The following ZFR variants were observed in gnomAD, a reference collection of about 807,000 sequenced individuals.
ZFR encodes the protein zinc finger RNA-binding protein.
Under a neutral mutation model 130.7 loss-of-function variants are expected in ZFR, and 19 were observed. The ratio of observed to expected loss-of-function variants is 0.15; its 90% CI spans 0.10 to 0.21. The LOEUF (loss-of-function observed/expected upper bound fraction) is 0.21, where lower values mean the gene tolerates loss of function less well. Ranked by LOEUF, ZFR falls within the 10% of genes least tolerant of loss-of-function variation. ZFR has a pLI of 1.00. For missense variants in ZFR, 872 were observed against 1,321.5 expected (o/e 0.66, Z 5.27); for synonymous variants, 466 against 456.9 (o/e 1.02, Z -0.25).
Position 32,420,106 on chromosome 5 carries a change from A to G in ZFR, c.138-3T>C. 6.4e-7 allele frequency: 1 copy of G among 1,561,350 alleles called. No individual in the cohort carries two copies. Among genetic ancestry groups the G allele is most frequent in the Non-Finnish European group, 8.7e-7 (1 of 1,149,440 alleles). ...CTACACCCGAAGCTGGCTGCTGGCT[A>G]CATTGTGGAGTACAAGAATAAATAT... On this transcript the variant is annotated splice_region_variant and splice_polypyrimidine_tract_variant and intron_variant, in intron 2 of 19. Transcript: ENST00000265069.
chr5:32,422,241 T>C (rs539629217), intron 2 of ZFR, among the ~76,000 whole-genome samples: 1 of 152,172 alleles, frequency 6.6e-6, no homozygotes, highest in South Asian at 2.1e-4. Flanking sequence ...TAAATGTCCA[T>C]GAGACTCAAG....
Position 32,407,011 on chromosome 5 carries a change from A to G in ZFR, c.795T>C (p.Tyr265=), listed in dbSNP as rs1385958320. 6.6e-7 allele frequency: 1 copy of G among 1,524,332 alleles called. No individual in the cohort carries two copies. The highest frequency in any genetic ancestry group is 8.8e-7 in the Non-Finnish European group (1 of 1,140,454). The allele number at this position is 1,524,332 out of a possible 1,614,324, so 94.4% of individuals were successfully genotyped here. A position where few individuals can be genotyped will look rare whatever the true frequency, so the allele number is the denominator to read the frequency against. The part of the protein sequence containing the change: ...TTAVTYSGTS[Y]SGYEAAVYSA... ...AATACACTGCTGCTTCATAACCTGAATAAGACGTACCTTACAAATAAAAAT... is the reference window on the plus strand; with the variant it reads ...AATACACTGCTGCTTCATAACCTGAGTAAGACGTACCTTACAAATAAAAAT... The change falls in exon 6 of 20, where the codon TAT becomes TAC. Residue 265 remains tyrosine (Y), a synonymous_variant. Transcript: ENST00000265069.
intron 5 of ZFR, among the ~76,000 whole-genome samples, chr5:32,408,325 A>C (rs1052923972): frequency 4.4e-4 from 43 of 98,428 alleles, no homozygotes; most frequent in Non-Finnish European, 9.2e-4. Flanking sequence ...AAAAAAAAAA[A>C]AAAAAAAAAA....
chr5:32,370,310 GGAGAGAGAGAGAGAGAGAGAGA>G (rs769362722), intron 17 of ZFR, among the ~76,000 whole-genome samples: 80 of 69,856 alleles, frequency 1.1e-3, no homozygotes, highest in East Asian at 4.3e-3. Flanking sequence ...TGTTGTGGGG[GGAGAGAGAGAGAGAGAGAGAGA>G]GAGAGAGAGA....
At chr5:32,371,888 C>A (rs766251521) in intron 17 of ZFR, among the ~76,000 whole-genome samples, 1 of 151,872 alleles carries the variant, frequency 6.6e-6, no homozygotes, top group African/African-American at 2.4e-5. Flanking sequence ...TTCATAGAGC[C>A]CCAAATTAGC....
rs70961626 is a variant in ZFR at position 32,397,849 on chromosome 5, C to CTTTTTTTTTTTTTTT, written c.1714-526_1714-512dup. On this transcript the variant is annotated intron_variant, in intron 9 of 19. Transcript: ENST00000265069. Reference sequence around the variant, plus strand: ...TGATAGCATGTGTTTGCTCTTGTATCTTTTTTTTTTTTTTTTTTTTTTTTT... The same window carrying CTTTTTTTTTTTTTTT: ...TGATAGCATGTGTTTGCTCTTGTATCTTTTTTTTTTTTTTTTTTTTTTTTTTTTTTTTTTTTTTTT... Among the ~76,000 whole-genome samples, 8 of 66,878 alleles carry CTTTTTTTTTTTTTTT rather than the reference C, an allele frequency of 1.2e-4. 2 individuals are homozygous for CTTTTTTTTTTTTTTT. The highest frequency in any genetic ancestry group is 3.1e-4 in the African/African-American group (5 of 15,910). 43.9% of individuals were successfully genotyped at this position (66,878 alleles called of 152,430 possible).
chr5:32,395,426 G>T, intron 10 of ZFR, 122 bp from the exon 11 acceptor site: 1 of 688,442 alleles, frequency 1.5e-6, no homozygotes, highest in Non-Finnish European at 2.1e-6. Flanking sequence ...TTTCCCACTA[G>T]AGAGTAAAAT....
At position 32,419,809 on chromosome 5, in the gene ZFR, T is replaced by C; in HGVS notation, c.420+12A>G. 1 of 1,579,716 alleles carries C rather than the reference T, an allele frequency of 6.3e-7. No individual in the cohort carries two copies. The highest frequency in any genetic ancestry group is 8.6e-7 in the Non-Finnish European group (1 of 1,160,516). On this transcript the variant is annotated intron_variant, in intron 3 of 19. Transcript: ENST00000265069. ...CGCACATTCAGGCTACCAAAACTAG[T>C]AGTTTTCTTACCTGGTAGTTTTGTG...
Position 32,435,007 on chromosome 5 carries a change from T to TC in ZFR, c.137+9221dup, listed in dbSNP as rs539929562. On this transcript the variant is annotated intron_variant, in intron 2 of 19. Coordinates refer to ENST00000265069, the MANE Select transcript of ZFR (RefSeq NM_016107.5). ...ATCAAGGCTCACTGCAGCCTTGACC[T>TC]CCCCAGGCTCCGGTGATCCTCCCAC... Among the ~76,000 whole-genome samples the TC allele has an allele frequency of 2.1e-4, 32 of 152,168 alleles. No individual in the cohort carries two copies. The South Asian group carries it at 4.3e-3, about 21-fold the overall frequency.
chr5:32,436,945 A>G (rs904482180), intron 2 of ZFR, among the ~76,000 whole-genome samples: 1 of 152,240 alleles, frequency 6.6e-6, no homozygotes, highest in African/African-American at 2.4e-5. Flanking sequence ...TGAGGCAAAG[A>G]AAATATTATC....
intron 2 of ZFR, among the ~76,000 whole-genome samples, chr5:32,429,547 C>A (rs541111292): frequency 2.2e-4 from 34 of 152,268 alleles, no homozygotes; most frequent in Non-Finnish European, 2.6e-4. Context: ...AAATTCCCAA[C>A]CAAGAAGTTA....
At position 32,400,221 on chromosome 5, in the gene ZFR, A is replaced by G; in HGVS notation, c.1517-18T>C. The G allele has an allele frequency of 6.5e-7, 1 of 1,535,866 alleles. No individual in the cohort carries two copies. The highest frequency in any genetic ancestry group is 8.7e-7 in the Non-Finnish European group (1 of 1,146,290). On this transcript the variant is annotated intron_variant, in intron 8 of 19. Transcript: ENST00000265069. ...ATTACCACCTAGAAAAGTATCAAAA[A>G]GTTAAAAAAAATTTTATTTTTGTAT...
At chr5:32,392,988 C>T (rs1237735496) in intron 11 of ZFR, among the ~76,000 whole-genome samples, 1 of 151,916 alleles carries the variant, frequency 6.6e-6, no homozygotes, top group Non-Finnish European at 1.5e-5. Context: ...CAGTGAGACT[C>T]TGTTTAAAAA....
chr5:32,381,997 T>C (rs1231933178), intron 15 of ZFR, among the ~76,000 whole-genome samples: 1 of 152,042 alleles, frequency 6.6e-6, no homozygotes, highest in Non-Finnish European at 1.5e-5. Flanking sequence ...CAGCTAACTA[T>C]GAAGTTTTAA....
intron 9 of ZFR, among the ~76,000 whole-genome samples, chr5:32,399,227 A>G (rs1366372108): frequency 6.6e-6 from 1 of 151,994 alleles, no homozygotes; most frequent in African/African-American, 2.4e-5. Flanking sequence ...GTGAGCCAAG[A>G]CTGTGTCACT....
chr5:32,431,610 A>G (rs1393579039), intron 2 of ZFR, among the ~76,000 whole-genome samples: 1 of 152,118 alleles, frequency 6.6e-6, no homozygotes, highest in African/African-American at 2.4e-5. Flanking sequence ...TAGATACAAC[A>G]TTTCTTTCTC....
At chr5:32,404,615 G>T (rs984554194) in intron 6 of ZFR, among the ~76,000 whole-genome samples, 2 of 152,124 alleles carry the variant, frequency 1.3e-5, no homozygotes, top group African/African-American at 4.8e-5. Flanking sequence ...GCCCTTAAAT[G>T]AATGCTTATT....
Position 32,395,813 on chromosome 5 carries a change from C to T in ZFR, c.1834-509G>A, listed in dbSNP as rs575345537. ...CTCAATAATATTTTCTCTTCTCTAG[C>T]TTACTTTATTCTAAGAATACAGTAT... On this transcript the variant is annotated intron_variant, in intron 10 of 19. Transcript: ENST00000265069. Among the ~76,000 whole-genome samples the T allele has an allele frequency of 1.0e-4, 15 of 147,228 alleles. No individual in the cohort carries two copies. The East Asian group carries it at 2.9e-3, about 29-fold the overall frequency.
intron 4 of ZFR, 135 bp downstream of exon 4, chr5:32,417,513 G>T: frequency 9.9e-7 from 1 of 1,013,332 alleles, no homozygotes; most frequent in Non-Finnish European, 1.4e-6. Flanking sequence ...GCATTTAGTA[G>T]GACAGGTCTA....
Sources: allele counts gnomAD v4.1 joint callset (sites outside exome capture counted in the v4.1 genomes callset), GRCh38; gene constraint gnomAD v4.1.1; transcripts MANE v1.5; gene names NCBI Gene and HGNC (gene_info 2026-07-23, HGNC 2026-07-21).